ATXN8OS: variants seen among roughly 807,000 people sequenced by gnomAD.
ATXN8OS encodes ATXN8 opposite strand lncRNA.
chr13:70,138,323 TAA>T (rs10599624), intron 3 of ATXN8OS, among the ~76,000 whole-genome samples: 131,363 of 150,968 alleles, frequency 0.87, 57,347 homozygotes, highest in East Asian at 1. Context: ...AGATTTAAAT[TAA>T]AAAAAAAAAA....
At chr13:70,113,472 T>C (rs1888229723) in intron 1 of ATXN8OS, among the ~76,000 whole-genome samples, 1 of 152,244 alleles carries the variant, frequency 6.6e-6, no homozygotes, top group African/African-American at 2.4e-5. Flanking sequence ...TTCCCTAGCA[T>C]TAAAAAAGTA....
chr13:70,152,801 G>A (rs1888887683), intron 4 of ATXN8OS, among the ~76,000 whole-genome samples: 1 of 152,010 alleles, frequency 6.6e-6, no homozygotes, highest in African/African-American at 2.4e-5. Flanking sequence ...GTTTATTTAT[G>A]TATTTTCATA....
At chr13:70,145,420 G>A (rs1364745441) in intron 3 of ATXN8OS, among the ~76,000 whole-genome samples, 2 of 151,626 alleles carry the variant, frequency 1.3e-5, no homozygotes, top group Non-Finnish European at 2.9e-5. Flanking sequence ...GGATGGCATT[G>A]AATCTATAAA....
chr13:70,109,229 T>C (rs1888157489), intron 1 of ATXN8OS, among the ~76,000 whole-genome samples: 1 of 152,234 alleles, frequency 6.6e-6, no homozygotes, highest in Non-Finnish European at 1.5e-5. Context: ...ATACTTAGAA[T>C]GGTGAGGATT....
chr13:70,152,193 T>C lies in ATXN8OS; in HGVS notation n.573+4765T>C, dbSNP rs567864278. 4.5e-4 allele frequency among the ~76,000 whole-genome samples: 68 copies of C among 152,190 alleles called. 1 individual carries two copies. In the South Asian group the frequency reaches 0.014, roughly 31 times the overall value. On this transcript the variant is annotated intron_variant and non_coding_transcript_variant, in intron 4 of 4. Coordinates refer to ENST00000678624, the Ensembl canonical transcript of ATXN8OS. Reference sequence around the variant, plus strand: ...AATTCACATGGGATGCTCCTGTTTCTTTCCACCTGGCCAATTTCTACCTAT... The same window carrying C: ...AATTCACATGGGATGCTCCTGTTTCCTTCCACCTGGCCAATTTCTACCTAT...
intron 3 of ATXN8OS, among the ~76,000 whole-genome samples, chr13:70,143,306 G>A (rs542919236): frequency 2.9e-4 from 44 of 151,762 alleles, no homozygotes; most frequent in South Asian, 1.0e-3. Context: ...TAAAATGCTT[G>A]TTGCCCTGAG....
intron 2 of ATXN8OS, among the ~76,000 whole-genome samples, chr13:70,117,198 T>G (rs577593941): frequency 6.6e-6 from 1 of 152,166 alleles, no homozygotes; most frequent in African/African-American, 2.4e-5. Flanking sequence ...GATGCTCTCA[T>G]CTCTCCCTGT....
At chr13:70,137,290 C>G (rs564888320) in intron 3 of ATXN8OS, among the ~76,000 whole-genome samples, 6 of 152,230 alleles carry the variant, frequency 3.9e-5, no homozygotes, top group African/African-American at 1.2e-4. Context: ...TTCTGTATCT[C>G]CAGGGTCAAA....
At chr13:70,157,401 G>A (rs932026137) in intron 4 of ATXN8OS, among the ~76,000 whole-genome samples, 1 of 151,784 alleles carries the variant, frequency 6.6e-6, no homozygotes, top group African/African-American at 2.4e-5. Context: ...AATCTAGAAT[G>A]TGACTCTTTC....
intron 4 of ATXN8OS, among the ~76,000 whole-genome samples, chr13:70,161,457 C>T (rs932458246): frequency 6.6e-6 from 1 of 152,028 alleles, no homozygotes; most frequent in African/African-American, 2.4e-5. Context: ...TTCTCCTAGG[C>T]AATCTATATG....
exon 5 of ATXN8OS, among the ~76,000 whole-genome samples, chr13:70,170,660 TAA>T (rs890187209): frequency 6.6e-6 from 1 of 152,180 alleles, no homozygotes; most frequent in East Asian, 1.9e-4. Flanking sequence ...GAATAAATAA[TAA>T]GTGTGAAAAC....
chr13:70,111,421 C>T (rs1593753928), intron 1 of ATXN8OS, among the ~76,000 whole-genome samples: 1 of 152,144 alleles, frequency 6.6e-6, no homozygotes, highest in Non-Finnish European at 1.5e-5. Flanking sequence ...CTGCAGAGTC[C>T]TGGAGCTGCA....
At chr13:70,140,533 C>CAAAAAAAA (rs58996989) in intron 3 of ATXN8OS, among the ~76,000 whole-genome samples, 2 of 132,992 alleles carry the variant, frequency 1.5e-5, no homozygotes, top group East Asian at 2.2e-4. Context: ...CACACACACA[C>CAAAAAAAA]AAAAAAAAAA....
intron 2 of ATXN8OS, among the ~76,000 whole-genome samples, chr13:70,125,327 A>G (rs1331810818): frequency 6.6e-6 from 1 of 152,190 alleles, no homozygotes; most frequent in African/African-American, 2.4e-5. Context: ...ACTTGTCAAT[A>G]TATTTTGAAG....
chr13:70,165,344 A>G (rs563064785), intron 4 of ATXN8OS, among the ~76,000 whole-genome samples: 4 of 152,050 alleles, frequency 2.6e-5, no homozygotes, highest in African/African-American at 7.2e-5. Context: ...ACAAGAGCAT[A>G]TAATTCACAT....
chr13:70,109,829 G>A (rs1343640163), intron 1 of ATXN8OS, among the ~76,000 whole-genome samples: 2 of 152,122 alleles, frequency 1.3e-5, no homozygotes, highest in African/African-American at 4.8e-5. Context: ...TCACAAACAG[G>A]ACAGAGGAAA....
In ATXN8OS at chr13:70,169,793, G is replaced by A. The variant is rs541901157; in HGVS notation, n.614G>A. On this transcript the variant is annotated non_coding_transcript_exon_variant, in exon 5 of 5. Coordinates refer to ENST00000678624, the Ensembl canonical transcript of ATXN8OS. ...AGGTTACAACACCTTCCAGAGATCT[G>A]CCTACAGTCACTGGCTGGCTAATGT... Among the ~76,000 whole-genome samples, 60 of 152,138 alleles carry A rather than the reference G, an allele frequency of 3.9e-4. 1 individual carries two copies. Among genetic ancestry groups the A allele is most frequent in the African/African-American group, 1.3e-3 (55 of 41,520 alleles).
At position 70,111,325 on chromosome 13, in the gene ATXN8OS, A is replaced by G. The variant is rs1244587539; in HGVS notation, n.240+3306A>G. 1.2e-4 allele frequency among the ~76,000 whole-genome samples: 18 copies of G among 152,236 alleles called. No homozygotes were observed. The East Asian group carries it at 3.3e-3, about 28-fold the overall frequency. ...AGGTGGGTAACTTATAAAGATAAGG[A>G]ATTTATTTATTATAGTTATGGAGGC... On this transcript the variant is annotated intron_variant and non_coding_transcript_variant, in intron 1 of 4. Transcript: ENST00000678624.
At chr13:70,126,541 T>C (rs1330680310) in intron 2 of ATXN8OS, among the ~76,000 whole-genome samples, 2 of 152,002 alleles carry the variant, frequency 1.3e-5, no homozygotes, top group Non-Finnish European at 2.9e-5. Flanking sequence ...TCTATACCTA[T>C]CTATCTGTGT....
Sources: gnomAD v4.1 joint callset for allele counts (sites outside exome capture counted in the v4.1 genomes callset) on GRCh38, gnomAD v4.1.1 for gene constraint, MANE v1.5 for transcripts, NCBI Gene and HGNC (gene_info 2026-07-23, HGNC 2026-07-21) for gene names.